PAX9: variants seen among roughly 807,000 people sequenced by gnomAD.
PAX9 encodes the protein paired box protein Pax-9.
PAX9 carries 6 observed loss-of-function variants against 29.1 expected under a neutral mutation model. The observed-to-expected ratio is 0.21, with a 90% CI of 0.11 to 0.41. PAX9 has a LOEUF of 0.41. Among genes scored for constraint, PAX9 ranks in the 10% least tolerant of loss-of-function variants. The pLI is 1.00. For missense variants in PAX9, 443 were observed against 479.1 expected, an observed-to-expected ratio of 0.92 and a Z score of 0.70; for synonymous variants, 217 against 211.7, an observed-to-expected ratio of 1.03 and a Z score of -0.22.
Position 36,676,244 on chromosome 14 carries a change from G to T in PAX9, c.818G>T (p.Ser273Ile). The T allele has an allele frequency of 1.2e-6, 2 of 1,614,104 alleles. No homozygotes were observed. Among genetic ancestry groups the T allele is most frequent in the Non-Finnish European group, 1.7e-6 (2 of 1,180,010 alleles). The change falls in exon 4 of 4, where the codon AGC becomes ATC. Residue 273 changes from serine (S) to isoleucine (I), a missense_variant. Coordinates refer to ENST00000361487, the MANE Select transcript of PAX9 (RefSeq NM_001372076.1). ...PAVGSFVSAS[S>I]MAPYPTPAQV... ...GTGGGCAGTTTTGTGTCAGCATCCA[G>T]CATGGCTCCTTACCCTACCCCAGCC...
chr14:36,670,627 G>A (rs551201256), intron 3 of PAX9, among the ~76,000 whole-genome samples: 4 of 152,134 alleles, frequency 2.6e-5, no homozygotes, highest in African/African-American at 9.6e-5. Context: ...CCAGCAGAGT[G>A]TCTTTGAAAT....
chr14:36,668,954 A>G (rs1881607334), intron 3 of PAX9, among the ~76,000 whole-genome samples: 1 of 152,086 alleles, frequency 6.6e-6, no homozygotes, highest in South Asian at 2.1e-4. Context: ...TTAATAAGCT[A>G]TTTTTTCCAG....
chr14:36,660,084 C>T (rs578094729), upstream of PAX9, among the ~76,000 whole-genome samples: 2 of 152,114 alleles, frequency 1.3e-5, no homozygotes, highest in Non-Finnish European at 1.5e-5. Context: ...GTCAAGTTGC[C>T]GGGCATGTTC....
At chr14:36,658,461 C>T (rs1881122835), upstream of PAX9, 1 of 152,226 alleles carries the variant, frequency 6.6e-6, no homozygotes, top group Non-Finnish European at 1.5e-5. Context: ...GTCATAACTG[C>T]AACTCGGAAT....
In PAX9 at chr14:36,662,048, G is replaced by T. The variant is rs1217999937; in HGVS notation, c.-42G>T. 1.3e-6 allele frequency: 2 copies of T among 1,560,168 alleles called. No individual in the cohort carries two copies. The highest frequency in any genetic ancestry group is 4.8e-5 in the East Asian group (2 of 41,718). On this transcript the variant is annotated 5_prime_UTR_variant, in exon 1 of 4. Transcript: ENST00000361487. The stretch of plus-strand genomic sequence containing the variant: ...AGGCGGTGCGGAAAGTTTCTGTCTG[G>T]GAGTGCGGAACTGGGGCCGGGTTGG...
intron 2 of PAX9, among the ~76,000 whole-genome samples, chr14:36,664,146 T>A (rs1881400977): frequency 6.6e-6 from 1 of 152,234 alleles, no homozygotes; most frequent in Non-Finnish European, 1.5e-5. Flanking sequence ...GTAACTTGCA[T>A]GTAACTCATT....
chr14:36,676,130 T>G, intron 3 of PAX9, 68 bp from the exon 4 acceptor site: 1 of 1,553,542 alleles, frequency 6.4e-7, no homozygotes, highest in Non-Finnish European at 8.9e-7. Flanking sequence ...TCTGCTTCTT[T>G]CTAAGAACGT....
chr14:36,665,182 A>G (rs1292400628), intron 2 of PAX9, among the ~76,000 whole-genome samples: 1 of 151,766 alleles, frequency 6.6e-6, no homozygotes, highest in African/African-American at 2.4e-5. Context: ...AAAAAAAAAA[A>G]AAAAAAGGCT....
intron 2 of PAX9, among the ~76,000 whole-genome samples, chr14:36,663,819 A>C (rs114417762): frequency 0.014 from 2,110 of 152,240 alleles, 50 homozygotes; most frequent in African/African-American, 0.047. Flanking sequence ...TCTCGCGCCG[A>C]GGCAGCCTCA....
intron 3 of PAX9, among the ~76,000 whole-genome samples, chr14:36,672,603 G>A (rs764456970): frequency 4.0e-5 from 6 of 151,884 alleles, no homozygotes; most frequent in Non-Finnish European, 7.4e-5. Context: ...GTGGCAGGAG[G>A]CAGGTAAATT....
chr14:36,664,805 T>TA (rs1442267397), intron 2 of PAX9, among the ~76,000 whole-genome samples: 10 of 152,200 alleles, frequency 6.6e-5, no homozygotes, highest in Admixed American at 6.5e-4. Flanking sequence ...TTTAAGTAAT[T>TA]AAAGCAGGGC....
upstream of PAX9, among the ~76,000 whole-genome samples, chr14:36,660,497 A>G (rs1881216423): frequency 6.6e-6 from 1 of 152,218 alleles, no homozygotes; most frequent in African/African-American, 2.4e-5. Flanking sequence ...TAGAAGTGGG[A>G]ATCTGGAGAT....
Position 36,667,030 on chromosome 14 carries a change from C to A in PAX9, c.771+429C>A, listed in dbSNP as rs141201262. 3.0e-3 allele frequency among the ~76,000 whole-genome samples: 463 copies of A among 152,254 alleles called. 1 individual carries two copies. The highest frequency in any genetic ancestry group is 0.01 in the African/African-American group (433 of 41,568). On this transcript the variant is annotated intron_variant, in intron 3 of 3. Transcript: ENST00000361487. ...GGCCTCAGAGCCGCGCCTTCACGCC[C>A]GCGAAACGCGCGCCCCGGGTCTCGG...
Position 36,677,630 on chromosome 14 carries a change from T to C in PAX9, c.*1178T>C, listed in dbSNP as rs1881958845. ...AAATAATGTTGTAATTTAAAGAAAA[T>C]GGAAAATTCTGCTCTAATGAATGTA... On this transcript the variant is annotated 3_prime_UTR_variant, in exon 4 of 4. Transcript: ENST00000361487. 1 of 152,198 alleles carries C rather than the reference T, an allele frequency of 6.6e-6. No individual in the cohort carries two copies. The highest frequency in any genetic ancestry group is 1.5e-5 in the Non-Finnish European group (1 of 68,030). 9.4% of individuals were successfully genotyped at this position (152,198 alleles called of 1,614,324 possible).
At chr14:36,659,089 G>T (rs956891080), upstream of PAX9, among the ~76,000 whole-genome samples, 1 of 152,214 alleles carries the variant, frequency 6.6e-6, no homozygotes, top group Non-Finnish European at 1.5e-5. Flanking sequence ...AGGCTTTTTG[G>T]CTTCTCCCTG....
rs1881904923 is a variant in PAX9, at chr14:36,676,649, A to G, written c.*197A>G. The G allele has an allele frequency of 1.5e-6, 1 of 649,080 alleles. No homozygotes were observed. Among genetic ancestry groups the G allele is most frequent in the Admixed American group, 2.4e-5 (1 of 41,248 alleles). The allele number at this position is 649,080 out of a possible 1,614,324, so 40.2% of individuals were successfully genotyped here. On this transcript the variant is annotated 3_prime_UTR_variant, in exon 4 of 4. Coordinates refer to ENST00000361487, the MANE Select transcript of PAX9 (RefSeq NM_001372076.1). Reference sequence around the variant, plus strand: ...TAACTTTTCTCTTGCAGAAAAACTGACATGACTTTAGGATTTAAAAACAAG... The same window carrying G: ...TAACTTTTCTCTTGCAGAAAAACTGGCATGACTTTAGGATTTAAAAACAAG...
At chr14:36,660,856 GAAT>G (rs551116705), upstream of PAX9, among the ~76,000 whole-genome samples, 3 of 152,260 alleles carry the variant, frequency 2.0e-5, no homozygotes, top group Non-Finnish European at 4.4e-5. Flanking sequence ...GACTTACAGT[GAAT>G]AAAAGTGAAA....
At chr14:36,662,592 C>G (rs1008668870) in intron 1 of PAX9, 19 of 503,488 alleles carry the variant, frequency 3.8e-5, no homozygotes, top group Non-Finnish European at 6.4e-5. Context: ...GTTCAGGCGT[C>G]AAGACCGATT....
upstream of PAX9, chr14:36,657,839 C>G (rs4904155): frequency 0.37 from 56,545 of 152,094 alleles, 10,686 homozygotes; most frequent in East Asian, 0.45. Flanking sequence ...TGCTCCTCTC[C>G]GTGCGCTTGC....
Sources: gnomAD v4.1 joint callset for allele counts (sites outside exome capture counted in the v4.1 genomes callset) on GRCh38, gnomAD v4.1.1 for gene constraint, MANE v1.5 for transcripts, NCBI Gene and HGNC (gene_info 2026-07-23, HGNC 2026-07-21) for gene names.